Variants in RIPOR2 observed in about 807,000 individuals in gnomAD.
The protein encoded by RIPOR2 is RHO family interacting cell polarization regulator 2.
In RIPOR2, 39 loss-of-function variants were observed where a neutral mutation model predicts 114.5. The observed-to-expected ratio is 0.34, with a 90% CI of 0.26 to 0.44. The LOEUF is 0.44. Among genes scored for constraint, RIPOR2 ranks in the 20% least tolerant of loss-of-function variants. The probability of loss-of-function intolerance (pLI) is 1.00; values close to 1 mark genes in which losing one functional copy is unlikely to be tolerated. For synonymous variants in RIPOR2, 445 were observed against 484.4 expected, an observed-to-expected ratio of 0.92 and a Z score of 1.07; for missense variants, 1,007 against 1,255.1, an observed-to-expected ratio of 0.80 and a Z score of 2.99.
chr6:24,995,020 T>C (rs550595738), intron 1 of RIPOR2, among the ~76,000 whole-genome samples: 1 of 152,280 alleles, frequency 6.6e-6, no homozygotes, highest in African/African-American at 2.4e-5. Flanking sequence ...CTGAGGCCAC[T>C]AGGGGATACT....
chr6:25,025,901 G>C (rs1776592271), intron 1 of RIPOR2, among the ~76,000 whole-genome samples: 1 of 152,200 alleles, frequency 6.6e-6, no homozygotes, highest in Non-Finnish European at 1.5e-5. Context: ...GGAAGACTGT[G>C]ATACATTGAT....
chr6:24,923,674 C>G (rs1420921423), intron 1 of RIPOR2, among the ~76,000 whole-genome samples: 3 of 151,860 alleles, frequency 2.0e-5, no homozygotes, highest in Non-Finnish European at 2.9e-5. Flanking sequence ...GTGAAATCCC[C>G]TCTCTACTAA....
At chr6:25,003,384 CATT>C (rs57985459) in intron 1 of RIPOR2, among the ~76,000 whole-genome samples, 9,760 of 143,750 alleles carry the variant, frequency 0.068, 356 homozygotes, top group Middle Eastern at 0.088. Flanking sequence ...AGAATTAACA[CATT>C]ATTATTATTA....
intron 1 of RIPOR2, among the ~76,000 whole-genome samples, chr6:25,012,386 G>A (rs991817835): frequency 6.6e-6 from 1 of 152,116 alleles, no homozygotes; most frequent in African/African-American, 2.4e-5. Context: ...ATAAACCCAA[G>A]AAAAATGAAA....
chr6:24,966,691 G>A (rs556695324), intron 1 of RIPOR2, among the ~76,000 whole-genome samples: 13 of 152,312 alleles, frequency 8.5e-5, no homozygotes, highest in African/African-American at 3.1e-4. Context: ...AAGGACAATG[G>A]AGAGTGAGGC....
chr6:24,817,976 C>CTTTTTTTTTTTTTTTTTTTTTT lies in RIPOR2; in HGVS notation c.2952+565_2952+566insAAAAAAAAAAAAAAAAAAAAAA, dbSNP rs758675486. ...ATATACTTTCCTTTTCTCTCTCTCT[C>CTTTTTTTTTTTTTTTTTTTTTT]TCTTTTTTTTTGAGACAGAGTCTGG... On this transcript the variant is annotated intron_variant, in intron 20 of 21. Coordinates refer to ENST00000643898, the MANE Select transcript of RIPOR2 (RefSeq NM_001286445.3). Among the ~76,000 whole-genome samples, 7 of 84,448 alleles carry CTTTTTTTTTTTTTTTTTTTTTT rather than the reference C, an allele frequency of 8.3e-5. 2 individuals are homozygous for CTTTTTTTTTTTTTTTTTTTTTT. Among genetic ancestry groups the CTTTTTTTTTTTTTTTTTTTTTT allele is most frequent in the African/African-American group, 4.5e-5 (1 of 22,400 alleles). The allele number at this position is 84,448 out of a possible 152,430, so 55.4% of individuals were successfully genotyped here.
At chr6:24,810,968 C>T (rs562604085) in intron 20 of RIPOR2, among the ~76,000 whole-genome samples, 1 of 151,886 alleles carries the variant, frequency 6.6e-6, no homozygotes, top group South Asian at 2.1e-4. Flanking sequence ...CCACGCCTGG[C>T]TAATTTTTGT....
At chr6:24,916,100 A>C (rs1394501495) in intron 1 of RIPOR2, among the ~76,000 whole-genome samples, 1 of 152,118 alleles carries the variant, frequency 6.6e-6, no homozygotes, top group Non-Finnish European at 1.5e-5. Context: ...CTGATCACCA[A>C]AGCTTCTTTT....
intron 1 of RIPOR2, among the ~76,000 whole-genome samples, chr6:24,895,437 T>TA (rs907150855): frequency 7.1e-5 from 8 of 112,238 alleles, no homozygotes; most frequent in African/African-American, 4.3e-4. Flanking sequence ...CATACGTACT[T>TA]TAAAAAAAAA....
At chr6:24,834,469 A>T (rs771697691) in intron 15 of RIPOR2, among the ~76,000 whole-genome samples, 10 of 150,070 alleles carry the variant, frequency 6.7e-5, no homozygotes, top group South Asian at 2.1e-4. Flanking sequence ...TCCCCTTGAC[A>T]CTTTTTCTTT....
chr6:24,964,399 CT>C (rs369720617), intron 1 of RIPOR2, among the ~76,000 whole-genome samples: 111 of 152,284 alleles, frequency 7.3e-4, no homozygotes, highest in African/African-American at 2.2e-3. Flanking sequence ...AACCTGTGTC[CT>C]TTTGAGATTG....
In RIPOR2 at chr6:25,028,104, G is replaced by A. The variant is rs141806647; in HGVS notation, c.76+13747C>T. ...CAAGCTAGGCATTCTGTAGAGATTT[G>A]AACATTCGGTTAATTTTCCTTCACT... On this transcript the variant is annotated intron_variant, in intron 1 of 13. Transcript: ENST00000510784. 2.0e-3 allele frequency among the ~76,000 whole-genome samples: 302 copies of A among 152,322 alleles called. 1 individual carries two copies. The highest frequency in any genetic ancestry group is 6.5e-3 in the African/African-American group (271 of 41,576).
intron 1 of RIPOR2, among the ~76,000 whole-genome samples, chr6:25,032,647 A>G (rs889829084): frequency 2.0e-5 from 3 of 152,232 alleles, no homozygotes; most frequent in African/African-American, 7.2e-5. Context: ...AAAGAGCAGC[A>G]CAGCATGGCT....
At chr6:24,863,511 C>T (rs1764292808) in intron 7 of RIPOR2, among the ~76,000 whole-genome samples, 1 of 152,198 alleles carries the variant, frequency 6.6e-6, no homozygotes, top group African/African-American at 2.4e-5. Context: ...TTGGAAACGG[C>T]TCTCCTCATT....
chr6:24,839,542 T>C (rs1007226304), intron 13 of RIPOR2: 8 of 1,419,946 alleles, frequency 5.6e-6, no homozygotes, highest in African/African-American at 1.4e-5. Flanking sequence ...CATGAGTTGA[T>C]CACTGAGGAG....
intron 1 of RIPOR2, among the ~76,000 whole-genome samples, chr6:24,921,182 A>G (rs908100263): frequency 6.6e-5 from 10 of 151,846 alleles, no homozygotes; most frequent in Admixed American, 4.6e-4. Context: ...TTTTTTGAGG[A>G]GACAGAGTCT....
chr6:24,991,496 C>A (rs1031264051), intron 1 of RIPOR2, among the ~76,000 whole-genome samples: 1 of 152,162 alleles, frequency 6.6e-6, no homozygotes, highest in Non-Finnish European at 1.5e-5. Context: ...ATTCTGGAAA[C>A]CTCAACCAGC....
chr6:25,000,521 A>G (rs893231493), intron 1 of RIPOR2, among the ~76,000 whole-genome samples: 2 of 152,202 alleles, frequency 1.3e-5, no homozygotes, highest in Admixed American at 1.3e-4. Context: ...TTATATCTGT[A>G]TTTTAATCTA....
At chr6:24,923,179 G>A (rs1770632218) in intron 1 of RIPOR2, among the ~76,000 whole-genome samples, 1 of 152,076 alleles carries the variant, frequency 6.6e-6, no homozygotes, top group East Asian at 1.9e-4. Flanking sequence ...TGCCCTCAAG[G>A]TCCATGCATG....
Sources: gnomAD v4.1 joint callset for allele counts (sites outside exome capture counted in the v4.1 genomes callset) on GRCh38, gnomAD v4.1.1 for gene constraint, MANE v1.5 for transcripts, NCBI Gene and HGNC (gene_info 2026-07-23, HGNC 2026-07-21) for gene names.